Variants in BICC1 observed in about 807,000 individuals in gnomAD.
BICC1 encodes BicC family RNA binding protein 1, also known as protein bicaudal C homolog 1.
In BICC1, 43 loss-of-function variants were observed where a neutral mutation model predicts 111.0. The ratio of observed to expected loss-of-function variants is 0.39; its 90% CI spans 0.30 to 0.50. The LOEUF (loss-of-function observed/expected upper bound fraction) is 0.50, where lower values mean the gene tolerates loss of function less well. Ranked by LOEUF, BICC1 falls within the 20% of genes least tolerant of loss-of-function variation. The pLI, the probability that BICC1 is intolerant of heterozygous loss-of-function variation, is 0.88. For missense variants in BICC1, 1,091 were observed against 1,203.2 expected (o/e 0.91, Z 1.38); for synonymous variants, 467 against 434.4 (o/e 1.07, Z -0.93).
At chr10:58,598,734 G>A (rs1298871271) in intron 1 of BICC1, among the ~76,000 whole-genome samples, 1 of 151,940 alleles carries the variant, frequency 6.6e-6, no homozygotes, top group Non-Finnish European at 1.5e-5. Context: ...TACAGAATGG[G>A]AGAAAATTTT....
chr10:58,810,158 CA>C (rs1843854720), intron 17 of BICC1, among the ~76,000 whole-genome samples: 1 of 152,198 alleles, frequency 6.6e-6, no homozygotes, highest in Admixed American at 6.5e-5. Flanking sequence ...CATAGGAGCC[CA>C]AAAGGCTCTT....
At chr10:58,775,806 A>G (rs1263322163) in intron 3 of BICC1, among the ~76,000 whole-genome samples, 1 of 152,150 alleles carries the variant, frequency 6.6e-6, no homozygotes, top group African/African-American at 2.4e-5. Flanking sequence ...GCAAGTGATA[A>G]TTTTCTTTAA....
chr10:58,788,221 T>A, intron 5 of BICC1, 149 bp from the exon 6 acceptor site: 1 of 579,556 alleles, frequency 1.7e-6, no homozygotes, highest in South Asian at 2.5e-5. Flanking sequence ...GATGGGGGCC[T>A]GAGATCCTTT....
intron 3 of BICC1, among the ~76,000 whole-genome samples, chr10:58,727,019 A>G (rs372285439): frequency 6.6e-6 from 1 of 152,140 alleles, no homozygotes; most frequent in East Asian, 1.9e-4. Flanking sequence ...TTAGAAATGT[A>G]AGGAGTTGAT....
intron 1 of BICC1, among the ~76,000 whole-genome samples, chr10:58,601,463 T>C (rs1845038593): frequency 6.6e-6 from 1 of 151,840 alleles, no homozygotes; most frequent in Non-Finnish European, 1.5e-5. Context: ...TATATCTAAA[T>C]TTTCTTAATT....
Position 58,795,987 on chromosome 10 carries a change from C to A in BICC1, c.1180-353C>A, listed in dbSNP as rs899303075. On this transcript the variant is annotated intron_variant, in intron 9 of 20. Coordinates refer to ENST00000373886, the MANE Select transcript of BICC1 (RefSeq NM_001080512.3). ...ACCCAGGTTCCCATCCTCTTGCTGTCTCTTCACAGCTGTGCCTTGACCTGG... is the reference window on the plus strand; with the variant it reads ...ACCCAGGTTCCCATCCTCTTGCTGTATCTTCACAGCTGTGCCTTGACCTGG... 2.0e-5 allele frequency among the ~76,000 whole-genome samples: 3 copies of A among 152,280 alleles called. No homozygotes were observed. In the South Asian group the frequency reaches 6.2e-4, roughly 32 times the overall value.
chr10:58,754,224 T>C (rs1302830085), intron 3 of BICC1, among the ~76,000 whole-genome samples: 2 of 152,240 alleles, frequency 1.3e-5, no homozygotes. Context: ...CTTTTTTTAC[T>C]CTTGTCTCCT....
intron 1 of BICC1, among the ~76,000 whole-genome samples, chr10:58,612,713 G>A (rs1845471825): frequency 6.6e-6 from 1 of 152,050 alleles, no homozygotes. Context: ...AAATTCCAAA[G>A]GGGAAGAAAC....
At chr10:58,564,293 T>A (rs1489326429) in intron 1 of BICC1, among the ~76,000 whole-genome samples, 1 of 152,210 alleles carries the variant, frequency 6.6e-6, no homozygotes, top group Non-Finnish European at 1.5e-5. Context: ...GAAAATGGTT[T>A]TGGCTTTTTC....
intron 3 of BICC1, chr10:58,715,683 G>A (rs1589053966): frequency 6.3e-7 from 1 of 1,594,458 alleles, no homozygotes; most frequent in South Asian, 1.1e-5. Context: ...CTGGGAAGAA[G>A]TAAAAGAGCA....
At chr10:58,636,935 G>C (rs1473373369) in intron 2 of BICC1, among the ~76,000 whole-genome samples, 1 of 151,756 alleles carries the variant, frequency 6.6e-6, no homozygotes, top group Non-Finnish European at 1.5e-5. Context: ...TTTCATTCTA[G>C]TGTTTGCATC....
intron 3 of BICC1, among the ~76,000 whole-genome samples, chr10:58,728,288 T>C (rs1403615216): frequency 6.6e-6 from 1 of 152,206 alleles, no homozygotes; most frequent in Non-Finnish European, 1.5e-5. Context: ...TTATATAGTA[T>C]TATACATTTT....
chr10:58,638,287 T>A (rs1838010474), intron 2 of BICC1, among the ~76,000 whole-genome samples: 1 of 151,860 alleles, frequency 6.6e-6, no homozygotes, highest in Non-Finnish European at 1.5e-5. Context: ...GAAAATAACA[T>A]CTGTACTTTA....
In BICC1 at chr10:58,749,551, A is replaced by G. The variant is rs543533774; in HGVS notation, c.308-35450A>G. ...ATATAATGTATCCACTTAATTTCGT[A>G]TAATTCAGATGTTTTTGTTCAAATG... On this transcript the variant is annotated intron_variant, in intron 3 of 20. Transcript: ENST00000373886. Among the ~76,000 whole-genome samples, 4 of 152,294 alleles carry G rather than the reference A, an allele frequency of 2.6e-5. No individual in the cohort carries two copies. The East Asian group carries it at 5.8e-4, about 22-fold the overall frequency.
At chr10:58,568,053 A>G (rs1022826989) in intron 1 of BICC1, among the ~76,000 whole-genome samples, 2 of 151,996 alleles carry the variant, frequency 1.3e-5, no homozygotes, top group Non-Finnish European at 2.9e-5. Flanking sequence ...GTGGCATTCT[A>G]CTCCCAACAA....
intron 2 of BICC1, among the ~76,000 whole-genome samples, chr10:58,693,639 T>G (rs10740755): frequency 0.98 from 146,015 of 149,664 alleles, 71,335 homozygotes; most frequent in Middle Eastern, 1. Context: ...TCATGTGTCT[T>G]TTGGCTGCAT....
chr10:58,562,173 G>C (rs1463313222), intron 1 of BICC1, among the ~76,000 whole-genome samples: 1 of 152,044 alleles, frequency 6.6e-6, no homozygotes, highest in Non-Finnish European at 1.5e-5. Context: ...TTTTCAGCTA[G>C]TATTTCATTA....
chr10:58,615,487 A>G (rs1845572635), intron 1 of BICC1, among the ~76,000 whole-genome samples: 1 of 152,180 alleles, frequency 6.6e-6, no homozygotes, highest in Non-Finnish European at 1.5e-5. Context: ...CTTTGCTCAG[A>G]GCCACTATTG....
intron 3 of BICC1, among the ~76,000 whole-genome samples, chr10:58,732,419 A>G (rs1233739759): frequency 1.2e-3 from 33 of 27,344 alleles, no homozygotes; most frequent in African/African-American, 2.9e-3. Flanking sequence ...ATATATATAT[A>G]TATATATATA....
Sources: gnomAD v4.1 joint callset for allele counts (sites outside exome capture counted in the v4.1 genomes callset) on GRCh38, gnomAD v4.1.1 for gene constraint, MANE v1.5 for transcripts, NCBI Gene and HGNC (gene_info 2026-07-23, HGNC 2026-07-21) for gene names.